HLF: variants seen among roughly 807,000 people sequenced by gnomAD.
HLF encodes hepatic leukemia factor.
In HLF, 3 loss-of-function variants were observed where a neutral mutation model predicts 22.6. The ratio of observed to expected loss-of-function variants is 0.13; its 90% CI spans 0.06 to 0.34. HLF has a LOEUF of 0.34. Among genes scored for constraint, HLF ranks in the 10% least tolerant of loss-of-function variants. The probability of loss-of-function intolerance (pLI) is 1.00; values close to 1 mark genes in which losing one functional copy is unlikely to be tolerated. For missense variants in HLF, 299 were observed against 389.2 expected, an observed-to-expected ratio of 0.77 and a Z score of 1.95; for synonymous variants, 151 against 151.8, an observed-to-expected ratio of 0.99 and a Z score of 0.04.
At chr17:55,296,247 T>C (rs879711457) in intron 2 of HLF, among the ~76,000 whole-genome samples, 4 of 152,190 alleles carry the variant, frequency 2.6e-5, no homozygotes, top group South Asian at 2.1e-4. Flanking sequence ...GACCAGTCGT[T>C]CTCAATCTTG....
At chr17:55,295,180 T>C (rs2081101086) in intron 2 of HLF, among the ~76,000 whole-genome samples, 1 of 152,198 alleles carries the variant, frequency 6.6e-6, no homozygotes, top group African/African-American at 2.4e-5. Context: ...AATGGCCAGC[T>C]CTGAATAGAG....
intron 2 of HLF, among the ~76,000 whole-genome samples, chr17:55,303,213 T>A (rs1401248324): frequency 6.6e-6 from 1 of 152,176 alleles, no homozygotes; most frequent in Non-Finnish European, 1.5e-5. Flanking sequence ...CTCTAGTGTG[T>A]AGAGTTGCAG....
chr17:55,323,698 C>T lies in HLF; in HGVS notation c.*2819C>T, dbSNP rs1432039242. The T allele has an allele frequency of 1.7e-5, 4 of 229,880 alleles. No homozygotes were observed. Among genetic ancestry groups the T allele is most frequent in the African/African-American group, 6.6e-5 (3 of 45,114 alleles). 14.2% of individuals were successfully genotyped at this position (229,880 alleles called of 1,614,324 possible). ...CTCTCCATCCAGGGCAGTTAACTAGCAAACAAGGCAGATCTGCTTCATGGA... is the reference window on the plus strand; with the variant it reads ...CTCTCCATCCAGGGCAGTTAACTAGTAAACAAGGCAGATCTGCTTCATGGA... On this transcript the variant is annotated 3_prime_UTR_variant, in exon 4 of 4. Transcript: ENST00000226067.
chr17:55,280,143 T>C (rs2080940325), intron 2 of HLF, among the ~76,000 whole-genome samples: 2 of 152,238 alleles, frequency 1.3e-5, no homozygotes, highest in South Asian at 4.1e-4. Context: ...CTACAATTAC[T>C]ATTCCTTCTC....
intron 2 of HLF, chr17:55,271,505 T>C (rs994286266): frequency 2.0e-5 from 3 of 152,168 alleles, no homozygotes; most frequent in Admixed American, 2.0e-4. Context: ...AGCATTCTTG[T>C]GAATATTTAT....
chr17:55,304,268 C>T (rs1286319680), intron 2 of HLF, among the ~76,000 whole-genome samples: 3 of 152,280 alleles, frequency 2.0e-5, no homozygotes, highest in African/African-American at 7.2e-5. Context: ...CCTTCTGCCA[C>T]ACGGTGACCC....
intron 2 of HLF, chr17:55,288,944 A>G: frequency 1.0e-6 from 1 of 985,294 alleles, no homozygotes; most frequent in Non-Finnish European, 1.2e-6. Flanking sequence ...AGAGTTCTTA[A>G]AACTCATCCC....
At chr17:55,291,743 T>C (rs1366552570) in intron 2 of HLF, among the ~76,000 whole-genome samples, 2 of 152,238 alleles carry the variant, frequency 1.3e-5, no homozygotes, top group Non-Finnish European at 2.9e-5. Flanking sequence ...ATTCCTTTGA[T>C]AGATCTAGGC....
chr17:55,280,454 A>G (rs542198063), intron 2 of HLF, among the ~76,000 whole-genome samples: 1 of 152,322 alleles, frequency 6.6e-6, no homozygotes, highest in South Asian at 2.1e-4. Context: ...TTCCATCTCC[A>G]TATGCCCTGC....
chr17:55,274,541 T>C (rs2080888219), intron 2 of HLF, among the ~76,000 whole-genome samples: 1 of 152,238 alleles, frequency 6.6e-6, no homozygotes, highest in African/African-American at 2.4e-5. Context: ...CAGAATGTCC[T>C]GTGTTTGAGA....
chr17:55,281,512 TCAAACAAAA>T (rs1165233676), intron 2 of HLF, among the ~76,000 whole-genome samples: 1 of 152,150 alleles, frequency 6.6e-6, no homozygotes. Flanking sequence ...AAACTCCATC[TCAAACAAAA>T]CAAACAAAAC....
rs2080777174 is a variant in HLF at position 55,265,334 on chromosome 17, G to A, written c.-151G>A. 1 of 601,544 alleles carries A rather than the reference G, an allele frequency of 1.7e-6. No homozygotes were observed. Among genetic ancestry groups the A allele is most frequent in the Middle Eastern group, 2.6e-4 (1 of 3,804 alleles). The allele number at this position is 601,544 out of a possible 1,614,324, so 37.3% of individuals were successfully genotyped here. ...ATTTTTATGCAGATGTATTTATAAA[G>A]ATATAAGTAATTTTTTTCTTCCCTT... On this transcript the variant is annotated 5_prime_UTR_variant, in exon 1 of 4. Transcript: ENST00000226067.
rs1248035425 is a variant in HLF, at chr17:55,313,351, G to GGTGTGTGT, written c.452-1869_452-1868insTGTGTGTG. The stretch of plus-strand genomic sequence containing the variant: ...GACCATGTGGTATGGTAGAGGAGGA[G>GGTGTGTGT]GTGTGTGCGTGTGTGTGTGTGTGTG... On this transcript the variant is annotated intron_variant, in intron 2 of 3. Coordinates refer to ENST00000226067, the MANE Select transcript of HLF (RefSeq NM_002126.5). 4.9e-3 allele frequency among the ~76,000 whole-genome samples: 650 copies of GGTGTGTGT among 132,790 alleles called. 3 individuals carry two copies. Among genetic ancestry groups the GGTGTGTGT allele is most frequent in the Middle Eastern group, 0.025 (7 of 278 alleles). The allele number at this position is 132,790 out of a possible 152,430, so 87.1% of individuals were successfully genotyped here. A position where few individuals can be genotyped will look rare whatever the true frequency, so the allele number is the denominator to read the frequency against.
At chr17:55,271,438 G>A (rs938984734) in intron 2 of HLF, 3 of 152,196 alleles carry the variant, frequency 2.0e-5, no homozygotes, top group Non-Finnish European at 4.4e-5. Context: ...GAAACCATGA[G>A]CTGATAAAGT....
Position 55,324,837 on chromosome 17 carries a change from G to T in HLF, c.*3958G>T. On this transcript the variant is annotated 3_prime_UTR_variant, in exon 4 of 4. Transcript: ENST00000226067. ...TGCATGTGTGTGTGTGTGTATGTGTGTGAATAAGTCGACATAAAGTCTTTA... is the reference window on the plus strand; with the variant it reads ...TGCATGTGTGTGTGTGTGTATGTGTTTGAATAAGTCGACATAAAGTCTTTA... 4.3e-6 allele frequency: 1 copy of T among 233,520 alleles called. No homozygotes were observed. The highest frequency in any genetic ancestry group is 8.5e-6 in the Non-Finnish European group (1 of 117,972). The allele number at this position is 233,520 out of a possible 1,614,324, so 14.5% of individuals were successfully genotyped here. A position where few individuals can be genotyped will look rare whatever the true frequency, so the allele number is the denominator to read the frequency against.
intron 2 of HLF, among the ~76,000 whole-genome samples, chr17:55,293,583 C>T (rs1462298892): frequency 6.6e-6 from 1 of 152,206 alleles, no homozygotes; most frequent in Non-Finnish European, 1.5e-5. Context: ...AAAACTCAAT[C>T]TCTGGGAACG....
intron 2 of HLF, among the ~76,000 whole-genome samples, chr17:55,278,242 G>A (rs892347161): frequency 1.3e-5 from 2 of 152,202 alleles, no homozygotes; most frequent in African/African-American, 2.4e-5. Context: ...ATGCTTCAGG[G>A]AGCTACAACA....
rs964392455 is a variant in HLF, at chr17:55,321,606, A to G, written c.*727A>G. 1 of 229,018 alleles carries G rather than the reference A, an allele frequency of 4.4e-6. No individual in the cohort carries two copies. Among genetic ancestry groups the G allele is most frequent in the East Asian group, 6.3e-5 (1 of 15,878 alleles). 14.2% of individuals were successfully genotyped at this position (229,018 alleles called of 1,614,324 possible). A position where few individuals can be genotyped will look rare whatever the true frequency, so the allele number is the denominator to read the frequency against. On this transcript the variant is annotated 3_prime_UTR_variant, in exon 4 of 4. Transcript: ENST00000226067. Reference sequence around the variant, plus strand: ...TTTTGCACTGTCTGTACCTAAAGCAATAATCCTATTGTACGCTAGAGCATG... The same window carrying G: ...TTTTGCACTGTCTGTACCTAAAGCAGTAATCCTATTGTACGCTAGAGCATG...
chr17:55,304,379 G>A lies in HLF; in HGVS notation c.452-10848G>A, dbSNP rs142017522. On this transcript the variant is annotated intron_variant, in intron 2 of 3. Coordinates refer to ENST00000226067, the MANE Select transcript of HLF (RefSeq NM_002126.5). ...AATGGCGAGAAGGCTCATGGGCCAC[G>A]TGCCTCGGCCATTAGTTGTCATGTC... 2.7e-3 allele frequency among the ~76,000 whole-genome samples: 410 copies of A among 152,294 alleles called. 4 individuals carry two copies. The highest frequency in any genetic ancestry group is 9.1e-3 in the African/African-American group (378 of 41,558).
Sources: gnomAD v4.1 joint callset for allele counts (sites outside exome capture counted in the v4.1 genomes callset) on GRCh38, gnomAD v4.1.1 for gene constraint, MANE v1.5 for transcripts, NCBI Gene and HGNC (gene_info 2026-07-23, HGNC 2026-07-21) for gene names.